LRMDA: variants seen among roughly 807,000 people sequenced by gnomAD.
LRMDA encodes the protein leucine rich melanocyte differentiation associated.
Under a neutral mutation model 29.8 loss-of-function variants are expected in LRMDA, and 18 were observed. That is an observed-to-expected ratio of 0.60 (90% CI 0.42 to 0.90). The LOEUF (loss-of-function observed/expected upper bound fraction) is 0.90. LRMDA is among the 40% of genes least tolerant of loss of function. The pLI, the probability that LRMDA is intolerant of heterozygous loss-of-function variation, is 0.00. For synonymous variants in LRMDA, 125 were observed against 109.4 expected (o/e 1.14, Z -0.89); for missense variants, 273 against 273.9 (o/e 1.00, Z 0.02).
At chr10:75,535,465 A>G (rs1193407108) in intron 2 of LRMDA, among the ~76,000 whole-genome samples, 1 of 152,178 alleles carries the variant, frequency 6.6e-6, no homozygotes, top group Admixed American at 6.5e-5. Flanking sequence ...TATTCAAGCC[A>G]TGAATCCCTC....
intron 2 of LRMDA, among the ~76,000 whole-genome samples, chr10:75,960,659 G>C (rs1310453516): frequency 6.6e-6 from 1 of 152,124 alleles, no homozygotes; most frequent in Non-Finnish European, 1.5e-5. Context: ...TGTTGCCCAG[G>C]CTGGAGTACA....
At position 76,503,106 on chromosome 10, in the gene LRMDA, G is replaced by T. The variant is rs116492177; in HGVS notation, c.602-54103G>T. On this transcript the variant is annotated intron_variant, in intron 6 of 6. Coordinates refer to ENST00000611255, the MANE Select transcript of LRMDA (RefSeq NM_001305581.2). ...TCTGTTGAGTGTTTTTATCATGAAG[G>T]GATGTTGGATTTTATCTAAAGCTTT... 4.2e-3 allele frequency among the ~76,000 whole-genome samples: 645 copies of T among 151,916 alleles called. 5 individuals carry two copies. The highest frequency in any genetic ancestry group is 6.4e-3 in the Non-Finnish European group (435 of 67,856).
intron 3 of LRMDA, among the ~76,000 whole-genome samples, chr10:76,043,778 A>C (rs1447542485): frequency 6.6e-6 from 1 of 152,212 alleles, no homozygotes; most frequent in Non-Finnish European, 1.5e-5. Flanking sequence ...AATGACTGGC[A>C]TTTCAATCCA....
chr10:75,914,744 T>C (rs1845901339), intron 2 of LRMDA, among the ~76,000 whole-genome samples: 1 of 152,232 alleles, frequency 6.6e-6, no homozygotes, highest in Admixed American at 6.5e-5. Flanking sequence ...CATGTGTATT[T>C]GGTTTCTTAA....
intron 5 of LRMDA, among the ~76,000 whole-genome samples, chr10:76,089,533 G>A (rs1009017593): frequency 2.6e-5 from 4 of 152,174 alleles, no homozygotes; most frequent in Admixed American, 6.5e-5. Context: ...TCTGTCTGGC[G>A]TTGGACATAA....
intron 5 of LRMDA, among the ~76,000 whole-genome samples, chr10:76,278,271 C>T (rs1840160616): frequency 6.6e-6 from 1 of 152,096 alleles, no homozygotes; most frequent in South Asian, 2.1e-4. Flanking sequence ...TAGCTTTTCT[C>T]AAATCAGGAA....
intron 2 of LRMDA, among the ~76,000 whole-genome samples, chr10:75,794,613 T>A (rs10160011): frequency 0.45 from 69,067 of 152,014 alleles, 16,017 homozygotes; most frequent in South Asian, 0.55. Flanking sequence ...GTGTCGTCAG[T>A]CTTTTGACTA....
intron 2 of LRMDA, among the ~76,000 whole-genome samples, chr10:75,491,606 G>T (rs1200577492): frequency 1.3e-5 from 2 of 152,130 alleles, no homozygotes; most frequent in Non-Finnish European, 2.9e-5. Context: ...GTAATAAAAG[G>T]CCTTGTCAGT....
intron 2 of LRMDA, among the ~76,000 whole-genome samples, chr10:75,459,927 G>T (rs530529825): frequency 1.1e-4 from 16 of 152,252 alleles, no homozygotes; most frequent in Non-Finnish European, 2.1e-4. Context: ...TAAATGCCTC[G>T]TATTAGGCTC....
chr10:76,530,299 A>G (rs1564568158), intron 6 of LRMDA, among the ~76,000 whole-genome samples: 1 of 152,202 alleles, frequency 6.6e-6, no homozygotes, highest in Admixed American at 6.5e-5. Flanking sequence ...GCACTGAGGA[A>G]TATAGGAAGA....
intron 3 of LRMDA, among the ~76,000 whole-genome samples, chr10:76,040,804 T>G (rs1429661772): frequency 6.6e-6 from 1 of 152,222 alleles, no homozygotes; most frequent in Non-Finnish European, 1.5e-5. Flanking sequence ...AAGCAGATTT[T>G]ATTTGGAATC....
At chr10:75,805,202 G>T (rs1843830128) in intron 2 of LRMDA, among the ~76,000 whole-genome samples, 2 of 152,142 alleles carry the variant, frequency 1.3e-5, no homozygotes, top group South Asian at 4.1e-4. Flanking sequence ...AAGTGAACGG[G>T]GTTCCTTTTA....
intron 6 of LRMDA, among the ~76,000 whole-genome samples, chr10:76,382,373 CCAA>C (rs1841603279): frequency 6.6e-6 from 1 of 152,180 alleles, no homozygotes; most frequent in Non-Finnish European, 1.5e-5. Context: ...TGATTTTCCA[CCAA>C]CAACACCAAC....
chr10:75,791,917 T>G (rs1843572695), intron 2 of LRMDA, among the ~76,000 whole-genome samples: 2 of 142,588 alleles, frequency 1.4e-5, no homozygotes, highest in Admixed American at 1.6e-4. Flanking sequence ...TGGAGTGCAG[T>G]GGTGCTATCT....
At chr10:76,555,303 A>G (rs1843542386) in intron 6 of LRMDA, among the ~76,000 whole-genome samples, 1 of 152,186 alleles carries the variant, frequency 6.6e-6, no homozygotes, top group Admixed American at 6.5e-5. Context: ...GGTCCCAAGA[A>G]GGGTCTCAGT....
chr10:76,315,760 C>A (rs1260380393), intron 5 of LRMDA, among the ~76,000 whole-genome samples: 1 of 152,148 alleles, frequency 6.6e-6, no homozygotes, highest in East Asian at 1.9e-4. Flanking sequence ...CCAGGGATGG[C>A]TTGAAGCCTG....
At chr10:75,871,269 G>A (rs1170787464) in intron 2 of LRMDA, among the ~76,000 whole-genome samples, 1 of 152,130 alleles carries the variant, frequency 6.6e-6, no homozygotes, top group Non-Finnish European at 1.5e-5. Context: ...TCCTGCTGAT[G>A]GTGTCTCACA....
intron 5 of LRMDA, among the ~76,000 whole-genome samples, chr10:76,138,545 G>T (rs1372240832): frequency 6.6e-6 from 1 of 152,166 alleles, no homozygotes; most frequent in Non-Finnish European, 1.5e-5. Flanking sequence ...ATATCTTAAA[G>T]TCCTGCCTCA....
intron 2 of LRMDA, among the ~76,000 whole-genome samples, chr10:75,804,887 C>T (rs947426885): frequency 5.9e-5 from 9 of 152,238 alleles, no homozygotes; most frequent in Middle Eastern, 3.4e-3. Context: ...GTTGACATGG[C>T]GGGTTCTGAG....
Sources: allele counts gnomAD v4.1 joint callset (sites outside exome capture counted in the v4.1 genomes callset), GRCh38; gene constraint gnomAD v4.1.1; transcripts MANE v1.5; gene names NCBI Gene and HGNC (gene_info 2026-07-23, HGNC 2026-07-21).